GPC5: variants seen among roughly 807,000 people sequenced by gnomAD.
GPC5 encodes glypican-5.
In GPC5, 47 loss-of-function variants were observed where a neutral mutation model predicts 53.9. The ratio of observed to expected loss-of-function variants is 0.87; its 90% CI spans 0.69 to 1.11. The LOEUF (loss-of-function observed/expected upper bound fraction) is 1.11. Ranked by LOEUF, GPC5 falls within the 50% of genes most tolerant of loss-of-function variation. The pLI is 0.00. For missense variants in GPC5, 748 were observed against 713.1 expected, an observed-to-expected ratio of 1.05 and a Z score of -0.56; for synonymous variants, 286 against 263.3, an observed-to-expected ratio of 1.09 and a Z score of -0.84.
chr13:92,814,092 T>C (rs1014301550), intron 7 of GPC5, among the ~76,000 whole-genome samples: 2 of 152,008 alleles, frequency 1.3e-5, no homozygotes, highest in African/African-American at 4.8e-5. Context: ...GTCAATTGAT[T>C]TGTAATGAAG....
At chr13:91,812,832 C>T (rs1315332017) in intron 5 of GPC5, among the ~76,000 whole-genome samples, 1 of 152,158 alleles carries the variant, frequency 6.6e-6, no homozygotes, top group East Asian at 1.9e-4. Context: ...ATGAAGACAA[C>T]ATTTGAAAAA....
chr13:91,794,301 C>G (rs2038015003), intron 5 of GPC5, among the ~76,000 whole-genome samples: 1 of 152,142 alleles, frequency 6.6e-6, no homozygotes, highest in African/African-American at 2.4e-5. Context: ...AGCCCCTGAT[C>G]CAGAACTGTA....
intron 7 of GPC5, among the ~76,000 whole-genome samples, chr13:92,778,972 C>T (rs1479688976): frequency 2.0e-5 from 3 of 151,682 alleles, no homozygotes; most frequent in Non-Finnish European, 4.4e-5. Flanking sequence ...GATATACACA[C>T]ACACACACAC....
chr13:92,094,377 A>T (rs1216080469), intron 6 of GPC5, among the ~76,000 whole-genome samples: 1 of 151,916 alleles, frequency 6.6e-6, no homozygotes, highest in Non-Finnish European at 1.5e-5. Flanking sequence ...AAAATTAGCC[A>T]GGTGTGGTGG....
At chr13:92,488,201 T>C (rs1879630900) in intron 7 of GPC5, among the ~76,000 whole-genome samples, 1 of 152,118 alleles carries the variant, frequency 6.6e-6, no homozygotes, top group Admixed American at 6.5e-5. Context: ...AAAACCCATT[T>C]TTTTCTAACG....
chr13:92,149,225 T>A (rs959977761), intron 7 of GPC5, among the ~76,000 whole-genome samples: 2 of 152,036 alleles, frequency 1.3e-5, no homozygotes, highest in African/African-American at 4.8e-5. Context: ...AAACCTTTTA[T>A]CATGTCTATT....
At chr13:91,520,824 A>G (rs1885771647) in intron 2 of GPC5, among the ~76,000 whole-genome samples, 1 of 152,066 alleles carries the variant, frequency 6.6e-6, no homozygotes, top group Non-Finnish European at 1.5e-5. Flanking sequence ...AAGATCTGTC[A>G]ACACTTGCTA....
intron 7 of GPC5, among the ~76,000 whole-genome samples, chr13:92,731,996 T>A (rs1468634903): frequency 1.3e-5 from 2 of 151,400 alleles, no homozygotes; most frequent in African/African-American, 4.8e-5. Flanking sequence ...AAAAGTACCA[T>A]AAGAATCTGT....
At chr13:92,338,772 A>G (rs1206593984) in intron 7 of GPC5, among the ~76,000 whole-genome samples, 3 of 152,094 alleles carry the variant, frequency 2.0e-5, no homozygotes, top group Non-Finnish European at 4.4e-5. Flanking sequence ...CAGATGATTT[A>G]TAGGGAACTG....
At chr13:92,606,408 G>T (rs904314533) in intron 7 of GPC5, among the ~76,000 whole-genome samples, 2 of 152,136 alleles carry the variant, frequency 1.3e-5, no homozygotes, top group African/African-American at 4.8e-5. Context: ...CCCTACAAAG[G>T]ACATGAACTC....
intron 7 of GPC5, among the ~76,000 whole-genome samples, chr13:92,782,105 G>T (rs567755443): frequency 1.3e-5 from 2 of 150,224 alleles, no homozygotes; most frequent in South Asian, 2.1e-4. Flanking sequence ...AAGAAGGAGT[G>T]GGGGGAAGGG....
chr13:92,343,619 A>AT (rs1243821332), intron 7 of GPC5, among the ~76,000 whole-genome samples: 1 of 152,116 alleles, frequency 6.6e-6, no homozygotes, highest in Admixed American at 6.6e-5. Flanking sequence ...AATGCCTTAT[A>AT]TTTTTAAAGT....
In GPC5 at chr13:92,118,292, G is replaced by A. The variant is rs576134309; in HGVS notation, c.1402-26538G>A. ...TGAATGTTGAACCAGCCTTGCATTC[G>A]TGGTATAAATCACTTGTTTGTAAAG... On this transcript the variant is annotated intron_variant, in intron 6 of 7. Transcript: ENST00000377067. Among the ~76,000 whole-genome samples, 7 of 152,096 alleles carry A rather than the reference G, an allele frequency of 4.6e-5. No individual in the cohort carries two copies. The South Asian group carries it at 1.0e-3, about 23-fold the overall frequency.
intron 7 of GPC5, among the ~76,000 whole-genome samples, chr13:92,384,334 T>G (rs2043774745): frequency 6.6e-6 from 1 of 152,142 alleles, no homozygotes; most frequent in African/African-American, 2.4e-5. Context: ...GGACTCAGGA[T>G]GAGATATCAC....
At chr13:92,249,984 A>T (rs2042680761) in intron 7 of GPC5, among the ~76,000 whole-genome samples, 1 of 151,734 alleles carries the variant, frequency 6.6e-6, no homozygotes, top group South Asian at 2.1e-4. Context: ...TAAACAAGTG[A>T]TCAATATAAC....
intron 7 of GPC5, among the ~76,000 whole-genome samples, chr13:92,823,948 C>CT (rs980705153): frequency 2.0e-5 from 3 of 151,970 alleles, no homozygotes; most frequent in Non-Finnish European, 2.9e-5. Flanking sequence ...TCCTTTTTCA[C>CT]TTTTTTCCCC....
In GPC5 at chr13:91,865,100, G is replaced by A. The variant is rs978662640; in HGVS notation, c.1281-42837G>A. Among the ~76,000 whole-genome samples, 12 of 151,812 alleles carry A rather than the reference G, an allele frequency of 7.9e-5. No individual in the cohort carries two copies. In the East Asian group the frequency reaches 2.1e-3, roughly 27 times the overall value. ...CTAATTTTGTATTTTTAGTAGAGAC[G>A]GGGTTTCACGATATTGGCCAGGCTG... On this transcript the variant is annotated intron_variant, in intron 5 of 7. Coordinates refer to ENST00000377067, the MANE Select transcript of GPC5 (RefSeq NM_004466.6).
intron 7 of GPC5, among the ~76,000 whole-genome samples, chr13:92,226,135 CTTGCTTCCCCT>C (rs1438502391): frequency 2.0e-5 from 3 of 152,136 alleles, no homozygotes; most frequent in African/African-American, 7.2e-5. Context: ...TAATATGTGC[CTTGCTTCCCCT>C]TTGCCTTCCA....
chr13:91,601,591 G>A (rs575365388), intron 2 of GPC5, among the ~76,000 whole-genome samples: 2 of 152,178 alleles, frequency 1.3e-5, no homozygotes, highest in East Asian at 3.9e-4. Context: ...TGTCAGATTA[G>A]TGGTGGTATT....
Sources: allele counts gnomAD v4.1 joint callset (sites outside exome capture counted in the v4.1 genomes callset), GRCh38; gene constraint gnomAD v4.1.1; transcripts MANE v1.5; gene names NCBI Gene and HGNC (gene_info 2026-07-23, HGNC 2026-07-21).